The following GTF3C4 variants were observed in gnomAD, a reference collection of about 807,000 sequenced individuals.
GTF3C4 encodes the protein general transcription factor IIIC subunit 4.
A neutral mutation model predicts 67.5 loss-of-function variants in GTF3C4; 28 were observed. That is an observed-to-expected ratio of 0.41 (90% CI 0.31 to 0.57). The LOEUF (loss-of-function observed/expected upper bound fraction) is 0.57, where lower values mean the gene tolerates loss of function less well. Ranked by LOEUF, GTF3C4 falls within the 20% of genes least tolerant of loss-of-function variation. The pLI is 0.21. For synonymous variants in GTF3C4, 409 were observed against 393.0 expected (o/e 1.04, Z -0.48); for missense variants, 831 against 1,033.2 (o/e 0.80, Z 2.68).
chr9:132,673,918 C>T (rs777178920), intron 1 of GTF3C4, among the ~76,000 whole-genome samples: 1 of 152,150 alleles, frequency 6.6e-6, no homozygotes, highest in African/African-American at 2.4e-5. Context: ...TCCCATTGGA[C>T]TACTGATTTA....
chr9:132,683,428 A>G (rs1276459461), intron 2 of GTF3C4, 135 bp from the exon 3 acceptor site: 1 of 727,448 alleles, frequency 1.4e-6, no homozygotes, highest in Non-Finnish European at 2.2e-6. Flanking sequence ...TGGAAATGCA[A>G]ATCTCCTGTC....
At position 132,679,049 on chromosome 9, in the gene GTF3C4, C is replaced by T. The variant is rs751123154; in HGVS notation, c.1430C>T (p.Thr477Ile). 4 of 1,614,182 alleles carry T rather than the reference C, an allele frequency of 2.5e-6. No homozygotes were observed. In the South Asian group the frequency reaches 3.3e-5, roughly 13 times the overall value. Residue 477 changes from threonine to isoleucine, a missense_variant, in exon 2 of 5, where the codon ACT (threonine) becomes ATT (isoleucine). Around this residue, in one of 4 missense-constraint regions of GTF3C4, gnomAD observed 390 missense variants for 540.3 expected, o/e 0.72. Transcript: ENST00000372146. The surrounding 1 kb of genome is among the most constrained non-coding windows in gnomAD (Gnocchi z 5.9). ...KLSDVFGSVR[T>I]HGIAVSPCGA... ...TCAGATGTGTTTGGCTCAGTGAGGA[C>T]TCACGGGATAGCAGTGAGCCCCTGC...
At position 132,670,567 on chromosome 9, in the gene GTF3C4, C is replaced by T; in HGVS notation, c.-32C>T. 1 of 1,377,868 alleles carries T rather than the reference C, an allele frequency of 7.3e-7. No homozygotes were observed. The highest frequency in any genetic ancestry group is 9.5e-7 in the Non-Finnish European group (1 of 1,056,204). 85.4% of individuals were successfully genotyped at this position (1,377,868 alleles called of 1,614,324 possible). On this transcript the variant is annotated 5_prime_UTR_variant, in exon 1 of 5. Transcript: ENST00000372146. ...GGTGGTCGCGCGACTGCGTGGAGCGCCAGGGCGTCCGACCTCTGCACCTGA... is the reference window on the plus strand; with the variant it reads ...GGTGGTCGCGCGACTGCGTGGAGCGTCAGGGCGTCCGACCTCTGCACCTGA...
In GTF3C4 at chr9:132,679,190, A is replaced by G; in HGVS notation, c.1571A>G (p.Gln524Arg). ...AAAACCTTTGAAGAGGCAGCTGCTC[A>G]GCTCCTGGAATCTTCAGTTCAAAAC... is the stretch of plus-strand genomic sequence containing the variant. Reference protein sequence around the residue: ...TLKTFEEAAAQLLESSVQNLF... With the variant: ...TLKTFEEAAARLLESSVQNLF... The change falls in exon 2 of 5, where the codon CAG (glutamine) becomes CGG (arginine). Residue 524 changes from glutamine to arginine, a missense_variant. Gln to Arg is a conservative substitution (Grantham distance 43, BLOSUM62 1). Transcript: ENST00000372146. The surrounding 1 kb of genome is among the most constrained non-coding windows in gnomAD (Gnocchi z 5.9). The G allele has an allele frequency of 6.2e-7, 1 of 1,614,228 alleles. No individual in the cohort carries two copies. The highest frequency in any genetic ancestry group is 1.1e-5 in the South Asian group (1 of 91,084).
chr9:132,671,112 TAA>T (rs113954882), intron 1 of GTF3C4, among the ~76,000 whole-genome samples, 157 bp downstream of exon 1: 9 of 142,952 alleles, frequency 6.3e-5, no homozygotes, highest in Admixed American at 6.9e-5. Context: ...TACCACAGCT[TAA>T]AAAAAAAAAA....
chr9:132,683,716 A>G (rs1835982772), intron 3 of GTF3C4, 23 bp downstream of exon 3: 2 of 1,592,872 alleles, frequency 1.3e-6, no homozygotes, highest in Non-Finnish European at 1.7e-6. Context: ...AAAAGTTTCT[A>G]CTTCTGCTCA....
At position 132,678,416 on chromosome 9, in the gene GTF3C4, A is replaced by G; in HGVS notation, c.797A>G (p.Asn266Ser). The change falls in exon 2 of 5, where the codon AAC becomes AGC. Residue 266 changes from asparagine to serine, a missense_variant. Asn to Ser is a conservative substitution (Grantham distance 46). This residue lies in a region of GTF3C4 where 390 missense variants were observed against 540.3 expected (regional missense o/e 0.72). Coordinates refer to ENST00000372146, the MANE Select transcript of GTF3C4 (RefSeq NM_012204.4). This position sits in a 1 kb window ranked among gnomAD's most constrained non-coding sequence, Gnocchi z 6.5. ...ICTTQQVKHN[N>S]ECRDVGSVLL... The stretch of plus-strand genomic sequence containing the variant: ...ACCACCCAGCAGGTCAAGCATAACA[A>G]CGAATGCCGGGACGTTGGCAGTGTG... 1 of 1,614,224 alleles carries G rather than the reference A, an allele frequency of 6.2e-7. No homozygotes were observed. Among genetic ancestry groups the G allele is most frequent in the Non-Finnish European group, 8.5e-7 (1 of 1,180,044 alleles).
chr9:132,680,919 G>A (rs1051465463), intron 2 of GTF3C4, among the ~76,000 whole-genome samples: 1 of 152,160 alleles, frequency 6.6e-6, no homozygotes, highest in Admixed American at 6.6e-5. Flanking sequence ...GAGACTAGCT[G>A]GCCAACATGG....
intron 1 of GTF3C4, among the ~76,000 whole-genome samples, chr9:132,671,220 C>A (rs780390340): frequency 3.9e-5 from 6 of 152,212 alleles, no homozygotes; most frequent in Non-Finnish European, 8.8e-5. Flanking sequence ...AGTTGAGTCC[C>A]AGGAACCCCT....
intron 3 of GTF3C4, among the ~76,000 whole-genome samples, chr9:132,684,205 TATC>T (rs1390000263): frequency 6.6e-6 from 1 of 152,208 alleles, no homozygotes; most frequent in Non-Finnish European, 1.5e-5. Flanking sequence ...GGTGGTTGCT[TATC>T]ATCTGCACAC....
In GTF3C4 at chr9:132,683,670, T is replaced by C. The variant is rs771053353; in HGVS notation, c.2292T>C (p.Cys764=). ...TCACAGATCGCAAACAGGCAGTCTG[T>C]TCCAATGGCCACATTTGGCTCCGGT... ...LPFTDRKQAV[C]SNGHIWLRCF... Residue 764 remains cysteine (C), a synonymous_variant, in exon 3 of 5, where the codon TGT becomes TGC. Transcript: ENST00000372146. 1 of 1,610,856 alleles carries C rather than the reference T, an allele frequency of 6.2e-7. No individual in the cohort carries two copies. Among genetic ancestry groups the C allele is most frequent in the Non-Finnish European group, 8.5e-7 (1 of 1,179,328 alleles).
At chr9:132,682,021 TCC>T (rs1835953081) in intron 2 of GTF3C4, among the ~76,000 whole-genome samples, 1 of 149,928 alleles carries the variant, frequency 6.7e-6, no homozygotes. Context: ...AGGCCTGTAG[TCC>T]TAGCTACTTG....
At position 132,679,377 on chromosome 9, in the gene GTF3C4, G is replaced by A. The variant is rs778198525; in HGVS notation, c.1758G>A (p.Gln586=). The A allele has an allele frequency of 1.7e-5, 28 of 1,614,060 alleles. No homozygotes were observed. Among genetic ancestry groups the A allele is most frequent in the Non-Finnish European group, 1.9e-5 (22 of 1,180,036 alleles). ...TTTTCCTCCTGAGGATTTTATATCA[G>A]TCAATGCAGAAAACCCCTTCAGAAG... The part of the protein sequence containing the change: ...FKLFLLRILY[Q]SMQKTPSEAL... The change falls in exon 2 of 5, where the codon CAG becomes CAA. Residue 586 remains glutamine, a synonymous_variant. Coordinates refer to ENST00000372146, the MANE Select transcript of GTF3C4 (RefSeq NM_012204.4). The surrounding 1 kb of genome is among the most constrained non-coding windows in gnomAD (Gnocchi z 5.9).
intron 1 of GTF3C4, among the ~76,000 whole-genome samples, chr9:132,674,051 G>A (rs1179403296): frequency 6.6e-6 from 1 of 152,218 alleles, no homozygotes; most frequent in Non-Finnish European, 1.5e-5. Context: ...GCTACATTAA[G>A]TTAAATAACT....
chr9:132,686,682 C>T (rs1015247870), intron 3 of GTF3C4, among the ~76,000 whole-genome samples: 2 of 152,116 alleles, frequency 1.3e-5, no homozygotes, highest in East Asian at 3.9e-4. Context: ...ATTTTGCCTT[C>T]GATATTCTTC....
chr9:132,688,793 C>T (rs1196927949), intron 4 of GTF3C4, 88 bp from the exon 5 acceptor site: 7 of 932,820 alleles, frequency 7.5e-6, no homozygotes, highest in Admixed American at 3.4e-5. Context: ...CCAGAATGCC[C>T]GTCTCTCAAC....
In GTF3C4 at chr9:132,678,027, C is replaced by T. The variant is rs1835887506; in HGVS notation, c.408C>T (p.Ser136=). Residue 136 remains serine (S), a synonymous_variant, in exon 2 of 5, where the codon TCC becomes TCT. Coordinates refer to ENST00000372146, the MANE Select transcript of GTF3C4 (RefSeq NM_012204.4). The surrounding 1 kb of genome is among the most constrained non-coding windows in gnomAD (Gnocchi z 6.5). ...VAECKEKFAA[S]KDPTVSQTFM... ...AGTGCAAGGAGAAATTCGCCGCCTCCAAGGACCCCACGGTCAGTCAGACTT... is the reference window on the plus strand; with the variant it reads ...AGTGCAAGGAGAAATTCGCCGCCTCTAAGGACCCCACGGTCAGTCAGACTT... 6.2e-7 allele frequency: 1 copy of T among 1,613,678 alleles called. No individual in the cohort carries two copies. The highest frequency in any genetic ancestry group is 2.2e-5 in the East Asian group (1 of 44,884).
chr9:132,670,956 G>A lies in GTF3C4; in HGVS notation c.357+1G>A. 6.3e-7 allele frequency: 1 copy of A among 1,599,566 alleles called. No individual in the cohort carries two copies. The highest frequency in any genetic ancestry group is 8.6e-7 in the Non-Finnish European group (1 of 1,168,594). On this transcript the variant is annotated splice_donor_variant, in intron 1 of 4. Transcript: ENST00000372146. LOFTEE classifies it high-confidence loss of function. ...ACCGCTCAACAGCTGTCTCCTCAAA[G>A]TAAGTCATCCCCCGCCATCCCTGGG... is the stretch of plus-strand genomic sequence containing the variant.
At chr9:132,671,939 C>T (rs1168707405) in intron 1 of GTF3C4, among the ~76,000 whole-genome samples, 2 of 152,166 alleles carry the variant, frequency 1.3e-5, no homozygotes, top group African/African-American at 4.8e-5. Flanking sequence ...TTCGTAAACT[C>T]TTATTTTGGA....
Sources: gnomAD v4.1 joint callset for allele counts (sites outside exome capture counted in the v4.1 genomes callset) on GRCh38, gnomAD v4.1.1 for gene constraint, gnomAD v4.1.1 regional missense constraint, Gnocchi (gnomAD v3.1) non-coding constraint, MANE v1.5 for transcripts, NCBI Gene and HGNC (gene_info 2026-07-23, HGNC 2026-07-21) for gene names.